Variants in OPCML observed in about 807,000 individuals in gnomAD.
OPCML encodes the protein opioid-binding protein/cell adhesion molecule.
A neutral mutation model predicts 37.8 loss-of-function variants in OPCML; 13 were observed. The ratio of observed to expected loss-of-function variants is 0.34; its 90% CI spans 0.22 to 0.55. OPCML has a LOEUF of 0.55. Ranked by LOEUF, OPCML falls within the 20% of genes least tolerant of loss-of-function variation. OPCML has a pLI of 0.91. For missense variants in OPCML, 341 were observed against 435.6 expected, an observed-to-expected ratio of 0.78 and a Z score of 1.93; for synonymous variants, 176 against 168.8, an observed-to-expected ratio of 1.04 and a Z score of -0.33.
At chr11:132,745,519 C>T (rs1032287386) in intron 2 of OPCML, among the ~76,000 whole-genome samples, 2 of 145,794 alleles carry the variant, frequency 1.4e-5, no homozygotes, top group Non-Finnish European at 3.0e-5. Context: ...GCTCTGTTTC[C>T]CTGGCAACCA....
intron 2 of OPCML, among the ~76,000 whole-genome samples, chr11:132,848,963 C>T (rs1011671712): frequency 5.9e-5 from 9 of 152,166 alleles, no homozygotes; most frequent in Admixed American, 5.2e-4. Flanking sequence ...TCACTAGCTC[C>T]AGTTGTTCTG....
At chr11:133,500,494 C>T (rs1018237953) in intron 1 of OPCML, among the ~76,000 whole-genome samples, 5 of 152,204 alleles carry the variant, frequency 3.3e-5, no homozygotes, top group East Asian at 1.9e-4. Flanking sequence ...CCTGGCACTG[C>T]GTATATTTCT....
chr11:132,626,207 T>C (rs1328931636), intron 3 of OPCML, among the ~76,000 whole-genome samples: 1 of 151,136 alleles, frequency 6.6e-6, no homozygotes, highest in African/African-American at 2.4e-5. Context: ...TTCTGGGGCA[T>C]GGCTGGAACA....
intron 1 of OPCML, among the ~76,000 whole-genome samples, chr11:133,072,946 C>G (rs1591975409): frequency 6.6e-6 from 1 of 152,180 alleles, no homozygotes; most frequent in African/African-American, 2.4e-5. Flanking sequence ...ATTTTGGAAG[C>G]AACTCTGGGT....
rs532928127 is a variant in OPCML at position 132,922,179 on chromosome 11, A to AT, written c.146+20746dup. On this transcript the variant is annotated intron_variant, in intron 2 of 7. Coordinates refer to ENST00000524381, the MANE Select transcript of OPCML (RefSeq NM_001012393.5). ...AGATGTGAGCCACTACCCCCGGCCA[A>AT]TTTTACCATTTTTTACATATCTTTA... Among the ~76,000 whole-genome samples, 36 of 152,038 alleles carry AT rather than the reference A, an allele frequency of 2.4e-4. No homozygotes were observed. In the South Asian group the frequency reaches 7.1e-3, roughly 30 times the overall value.
intron 1 of OPCML, among the ~76,000 whole-genome samples, chr11:133,175,846 A>T (rs987068685): frequency 6.6e-6 from 1 of 152,048 alleles, no homozygotes; most frequent in African/African-American, 2.4e-5. Flanking sequence ...AACGGATGAG[A>T]CCTGTATGTT....
At chr11:132,883,667 C>T (rs530316246) in intron 2 of OPCML, among the ~76,000 whole-genome samples, 3 of 152,052 alleles carry the variant, frequency 2.0e-5, no homozygotes, top group South Asian at 2.1e-4. Flanking sequence ...AGATGAGAGG[C>T]GATGGGACAG....
intron 2 of OPCML, among the ~76,000 whole-genome samples, chr11:132,703,816 T>C: frequency 6.6e-6 from 1 of 152,198 alleles, no homozygotes; most frequent in Non-Finnish European, 1.5e-5. Context: ...CTTCAGGGGC[T>C]GTCCTGGTGT....
rs1761084055 is a variant in OPCML, at chr11:133,177,342, G to A, written c.62-234332C>T. ...AGATTCTATCATTTGAAGGAAGGAAGTGGAGAGGGCTATAAATTCTGGCAG... is the reference window on the plus strand; with the variant it reads ...AGATTCTATCATTTGAAGGAAGGAAATGGAGAGGGCTATAAATTCTGGCAG... On this transcript the variant is annotated intron_variant, in intron 1 of 7. Coordinates refer to ENST00000524381, the MANE Select transcript of OPCML (RefSeq NM_001012393.5). This position sits in a 1 kb window ranked among gnomAD's most constrained non-coding sequence, Gnocchi z 5.0. Among the ~76,000 whole-genome samples, 1 of 152,204 alleles carries A rather than the reference G, an allele frequency of 6.6e-6. No homozygotes were observed. The highest frequency in any genetic ancestry group is 2.4e-5 in the African/African-American group (1 of 41,452).
At chr11:133,130,549 T>C (rs1357095663) in intron 1 of OPCML, among the ~76,000 whole-genome samples, 1 of 152,128 alleles carries the variant, frequency 6.6e-6, no homozygotes, top group Non-Finnish European at 1.5e-5. Context: ...TGTTCATAGA[T>C]AGAAAGACAA....
intron 1 of OPCML, among the ~76,000 whole-genome samples, chr11:133,080,532 A>C (rs1021198716): frequency 8.1e-6 from 1 of 124,068 alleles, no homozygotes; most frequent in Non-Finnish European, 1.6e-5. Context: ...GGAATGTTTT[A>C]GGTATAATGC....
intron 4 of OPCML, among the ~76,000 whole-genome samples, chr11:132,438,189 C>T (rs2096019601): frequency 6.6e-6 from 1 of 152,230 alleles, no homozygotes; most frequent in Admixed American, 6.5e-5. Context: ...TCTGGCCTCT[C>T]CGCCTTACCC....
At chr11:133,088,147 G>A (rs748212823) in intron 1 of OPCML, among the ~76,000 whole-genome samples, 18 of 152,146 alleles carry the variant, frequency 1.2e-4, no homozygotes, top group Non-Finnish European at 2.6e-4. Flanking sequence ...TAACAAAAGA[G>A]AAAGAGTACT....
intron 1 of OPCML, among the ~76,000 whole-genome samples, chr11:133,439,756 C>T (rs868117936): frequency 3.3e-5 from 5 of 152,114 alleles, no homozygotes; most frequent in East Asian, 1.9e-4. Context: ...TGTGAGCCAC[C>T]GAGCCCGGCC....
chr11:132,659,821 C>G (rs888764305), intron 2 of OPCML, among the ~76,000 whole-genome samples: 1 of 152,044 alleles, frequency 6.6e-6, no homozygotes, highest in Non-Finnish European at 1.5e-5. Flanking sequence ...TTCTAAAAGT[C>G]ATAACACGTG....
rs2095940861 is a variant in OPCML at position 132,416,957 on chromosome 11, T to G, written c.*3236A>C. 1 of 152,616 alleles carries G rather than the reference T, an allele frequency of 6.6e-6. No individual in the cohort carries two copies. Among genetic ancestry groups the G allele is most frequent in the Non-Finnish European group, 1.5e-5 (1 of 68,056 alleles). The allele number at this position is 152,616 out of a possible 1,614,324, so 9.5% of individuals were successfully genotyped here. A position where few individuals can be genotyped will look rare whatever the true frequency, so the allele number is the denominator to read the frequency against. ...TTCATTGGCATTACTTTGGTGGAAG[T>G]GCATATGAACTCTGTTTTGGGAAGG... On this transcript the variant is annotated 3_prime_UTR_variant, in exon 8 of 8. Coordinates refer to ENST00000524381, the MANE Select transcript of OPCML (RefSeq NM_001012393.5).
At chr11:132,622,036 T>C (rs1450767477) in intron 3 of OPCML, among the ~76,000 whole-genome samples, 9 of 152,032 alleles carry the variant, frequency 5.9e-5, no homozygotes, top group Admixed American at 5.9e-4. Context: ...TTAAAATAAT[T>C]GATTATAAAA....
At chr11:132,582,231 A>G (rs2137641536) in intron 3 of OPCML, among the ~76,000 whole-genome samples, 1 of 151,974 alleles carries the variant, frequency 6.6e-6, no homozygotes, top group South Asian at 2.1e-4. Context: ...GATAATTTCT[A>G]CTATAGAACA....
At chr11:133,263,102 AT>A (rs1212752941) in intron 1 of OPCML, among the ~76,000 whole-genome samples, 1 of 151,958 alleles carries the variant, frequency 6.6e-6, no homozygotes, top group Non-Finnish European at 1.5e-5. Flanking sequence ...TGGCTCGGAC[AT>A]TTACCACTTA....
Sources: allele counts gnomAD v4.1 joint callset (sites outside exome capture counted in the v4.1 genomes callset), GRCh38; gene constraint gnomAD v4.1.1; non-coding constraint Gnocchi (gnomAD v3.1); transcripts MANE v1.5; gene names NCBI Gene and HGNC (gene_info 2026-07-23, HGNC 2026-07-21).